The following ZNF273 variants were observed in gnomAD, a reference collection of about 807,000 sequenced individuals.
ZNF273 encodes the protein zinc finger protein 9.
In ZNF273, 11 loss-of-function variants were observed where a neutral mutation model predicts 14.9. The ratio of observed to expected loss-of-function variants is 0.74; its 90% CI spans 0.46 to 1.22. The LOEUF (loss-of-function observed/expected upper bound fraction) is 1.22. Ranked by LOEUF, ZNF273 falls within the 50% of genes most tolerant of loss-of-function variation. The pLI, the probability that ZNF273 is intolerant of heterozygous loss-of-function variation, is 0.00. For missense variants in ZNF273, 577 were observed against 660.6 expected, an observed-to-expected ratio of 0.87 and a Z score of 1.39; for synonymous variants, 199 against 223.9, an observed-to-expected ratio of 0.89 and a Z score of 0.99.
intron 1 of ZNF273, among the ~76,000 whole-genome samples, chr7:64,914,040 GCT>G (rs1339383890): frequency 6.6e-6 from 1 of 151,414 alleles, no homozygotes; most frequent in African/African-American, 2.4e-5. Context: ...ACAGATTTTT[GCT>G]CTGTCACCCA....
chr7:64,924,066 C>T (rs1250925110), intron 3 of ZNF273: 1 of 151,046 alleles, frequency 6.6e-6, no homozygotes, highest in Admixed American at 6.6e-5. Flanking sequence ...GTATAGACAT[C>T]TTCCCAATAT....
chr7:64,900,421 T>C (rs992133430), upstream of ZNF273, among the ~76,000 whole-genome samples: 8 of 152,172 alleles, frequency 5.3e-5, no homozygotes, highest in Non-Finnish European at 1.2e-4. Context: ...AAAGAAATTG[T>C]TTAGGCAGAT....
upstream of ZNF273, chr7:64,903,189 A>G (rs564190694): frequency 4.7e-4 from 337 of 717,040 alleles, no homozygotes; most frequent in Non-Finnish European, 6.9e-4. Flanking sequence ...ACATCCTCCA[A>G]TCAGGGACGC....
At chr7:64,900,984 C>T (rs1469723974), upstream of ZNF273, among the ~76,000 whole-genome samples, 1 of 151,206 alleles carries the variant, frequency 6.6e-6, no homozygotes, top group Non-Finnish European at 1.5e-5. Context: ...AGCCAAGGCA[C>T]CAAGCTAGTA....
chr7:64,919,002 G>A (rs1397017256), intron 3 of ZNF273, among the ~76,000 whole-genome samples: 1 of 152,180 alleles, frequency 6.6e-6, no homozygotes, highest in African/African-American at 2.4e-5. Context: ...ATATGTGAGA[G>A]TAGTTTATAT....
rs1373822842 is a variant in ZNF273, at chr7:64,886,175, A to G, written n.274-2398A>G. Among the ~76,000 whole-genome samples, 5 of 152,234 alleles carry G rather than the reference A, an allele frequency of 3.3e-5. No individual in the cohort carries two copies. The East Asian group carries it at 9.6e-4, about 29-fold the overall frequency. On this transcript the variant is annotated intron_variant and non_coding_transcript_variant, in intron 1 of 1. Transcript: ENST00000471926. ...TGCAGAGCAGTTTTGAAGAAGAAAT[A>G]AGGTTCACAGGCCCAGCTCAGCACA...
intron 2 of ZNF273, among the ~76,000 whole-genome samples, chr7:64,917,944 G>A (rs1026038903): frequency 6.6e-6 from 1 of 152,068 alleles, no homozygotes; most frequent in African/African-American, 2.4e-5. Context: ...CAAAAATTTA[G>A]TGGCATAAAA....
At chr7:64,911,792 TCTC>T (rs1340391003) in intron 1 of ZNF273, among the ~76,000 whole-genome samples, 2 of 152,218 alleles carry the variant, frequency 1.3e-5, no homozygotes, top group Non-Finnish European at 2.9e-5. Flanking sequence ...GATTTGCTCT[TCTC>T]TTATTCTTTT....
At chr7:64,934,618 A>G (rs1795046205), downstream of ZNF273, among the ~76,000 whole-genome samples, 1 of 152,196 alleles carries the variant, frequency 6.6e-6, no homozygotes, top group African/African-American at 2.4e-5. Flanking sequence ...AGTTAGCTGT[A>G]AATACGTGGA....
downstream of ZNF273, chr7:64,880,111 C>T (rs1173718160): frequency 6.6e-6 from 1 of 152,254 alleles, no homozygotes; most frequent in Non-Finnish European, 1.5e-5. Context: ...GTCTCTGACT[C>T]TTGGCAAAGA....
chr7:64,883,222 C>CG (rs1562946623), downstream of ZNF273, among the ~76,000 whole-genome samples: 1 of 136,736 alleles, frequency 7.3e-6, no homozygotes, highest in Non-Finnish European at 1.6e-5. Context: ...CCACCCCCCC[C>CG]TCACCAAGCA....
chr7:64,883,004 T>C (rs895435420), downstream of ZNF273, among the ~76,000 whole-genome samples: 1 of 152,170 alleles, frequency 6.6e-6, no homozygotes, highest in Non-Finnish European at 1.5e-5. Context: ...TCTGTGTGTG[T>C]CTGTGTGCGT....
At position 64,928,586 on chromosome 7, in the gene ZNF273, C is replaced by CTTA; in HGVS notation, c.1258_1259insTTA (p.His420delinsLeuAsn). 1 of 1,613,592 alleles carries CTTA rather than the reference C, an allele frequency of 6.2e-7. No individual in the cohort carries two copies. The highest frequency in any genetic ancestry group is 1.1e-5 in the South Asian group (1 of 91,030). On this transcript the variant is annotated protein_altering_variant, in exon 4 of 4. Coordinates refer to ENST00000476120, the MANE Select transcript of ZNF273 (RefSeq NM_021148.3). ...TAAACGGTCCACAACTCTTACTAAA[C>CTTA]ATAAGAGAATTTATACTAAAGAGAA...
downstream of ZNF273, chr7:64,882,343 G>A (rs1048706873): frequency 1.3e-5 from 2 of 152,220 alleles, no homozygotes; most frequent in Non-Finnish European, 2.9e-5. Context: ...GACGCCCCAG[G>A]AGGCCCTGTG....
At chr7:64,898,171 G>C (rs969096877) in intron 4 of ZNF273, 8 of 152,158 alleles carry the variant, frequency 5.3e-5, no homozygotes, top group African/African-American at 1.9e-4. Flanking sequence ...CTTCATACAA[G>C]TCTTACCTGT....
At chr7:64,933,041 G>T (rs767272983), downstream of ZNF273, among the ~76,000 whole-genome samples, 1 of 151,894 alleles carries the variant, frequency 6.6e-6, no homozygotes, top group Non-Finnish European at 1.5e-5. Flanking sequence ...GCGCCATCTC[G>T]GCTCACTGCA....
chr7:64,887,749 C>G (rs997704741), intron 1 of ZNF273, among the ~76,000 whole-genome samples: 2 of 151,848 alleles, frequency 1.3e-5, no homozygotes, highest in Non-Finnish European at 2.9e-5. Context: ...CTGCCCGCCT[C>G]GACCTCCCAG....
At chr7:64,935,218 G>C (rs990406554), downstream of ZNF273, among the ~76,000 whole-genome samples, 1 of 152,130 alleles carries the variant, frequency 6.6e-6, no homozygotes, top group Non-Finnish European at 1.5e-5. Context: ...TCTGTAAACA[G>C]GGATAATTTA....
At chr7:64,882,373 C>T (rs943449033), downstream of ZNF273, 11 of 152,180 alleles carry the variant, frequency 7.2e-5, no homozygotes, top group African/African-American at 2.4e-4. Context: ...TTTATAGTCC[C>T]GCAATGGTAG....
Sources: gnomAD v4.1 joint callset for allele counts (sites outside exome capture counted in the v4.1 genomes callset) on GRCh38, gnomAD v4.1.1 for gene constraint, MANE v1.5 for transcripts, NCBI Gene and HGNC (gene_info 2026-07-23, HGNC 2026-07-21) for gene names.